LAMA4: variants seen among roughly 807,000 people sequenced by gnomAD.
The protein encoded by LAMA4 is laminin subunit alpha-4.
In LAMA4, 127 loss-of-function variants were observed where a neutral mutation model predicts 207.1. The observed-to-expected ratio is 0.61, with a 90% CI of 0.53 to 0.71. The LOEUF (loss-of-function observed/expected upper bound fraction) is 0.71, where lower values mean the gene tolerates loss of function less well. LAMA4 is among the 30% of genes least tolerant of loss of function. LAMA4 has a pLI of 0.00. For synonymous variants in LAMA4, 761 were observed against 816.0 expected (o/e 0.93, Z 1.15); for missense variants, 2,093 against 2,246.5 (o/e 0.93, Z 1.38).
At chr6:112,192,128 C>T (rs1451303277) in intron 5 of LAMA4, among the ~76,000 whole-genome samples, 1 of 152,194 alleles carries the variant, frequency 6.6e-6, no homozygotes, top group Non-Finnish European at 1.5e-5. Context: ...AGCCAGGGAA[C>T]TGGTGTACAC....
chr6:112,191,731 T>C lies in LAMA4; in HGVS notation c.623A>G (p.Gln208Arg), dbSNP rs782171302. The C allele has an allele frequency of 6.2e-7, 1 of 1,614,150 alleles. No homozygotes were observed. The highest frequency in any genetic ancestry group is 8.5e-7 in the Non-Finnish European group (1 of 1,179,980). The change falls in exon 6 of 39, where the codon CAG becomes CGG. Residue 208 changes from glutamine (Q) to arginine (R), a missense_variant. By Grantham distance (43) the Gln-to-Arg change is conservative. Coordinates refer to ENST00000230538, the MANE Select transcript of LAMA4 (RefSeq NM_001105206.3). ...IFEDCDEVTGQCRNCLRNTTG... is the reference protein window; with the variant it reads ...IFEDCDEVTGRCRNCLRNTTG... ...GGTGTTGCGTAAGCAATTCCTACAC[T>C]GGCCAGTGACTTCATCACAATCTTC...
chr6:112,241,152 T>TATATATGAAG (rs782682915), intron 2 of LAMA4, among the ~76,000 whole-genome samples: 1 of 98,486 alleles, frequency 1.0e-5, no homozygotes, highest in African/African-American at 4.8e-5. Context: ...TATATATGAA[T>TATATATGAAG]ATATATATGA....
At chr6:112,195,305 A>C (rs1783349480) in intron 5 of LAMA4, among the ~76,000 whole-genome samples, 1 of 152,200 alleles carries the variant, frequency 6.6e-6, no homozygotes, top group Admixed American at 6.5e-5. Context: ...AAAGACTGAG[A>C]AATAAGGCTA....
In LAMA4 at chr6:112,146,410, C is replaced by T. The variant is rs180834148; in HGVS notation, c.2354-1477G>A. Among the ~76,000 whole-genome samples the T allele has an allele frequency of 1.1e-3, 174 of 152,162 alleles. 1 individual carries two copies. Among genetic ancestry groups the T allele is most frequent in the African/African-American group, 4.0e-3 (168 of 41,488 alleles). ...AACAGTGGTTCTTAAAGTGTGGTTC[C>T]CAGACAAGCAGCAGCAGCATCACCA... On this transcript the variant is annotated intron_variant, in intron 18 of 38. Transcript: ENST00000230538.
chr6:112,121,828 A>T (rs1220065040), intron 32 of LAMA4, 186 bp downstream of exon 32: 20 of 582,920 alleles, frequency 3.4e-5, no homozygotes, highest in Non-Finnish European at 5.3e-5. Context: ...ACAATTGGAA[A>T]GTCACAGAGA....
chr6:112,177,070 G>A (rs1270654223), intron 10 of LAMA4, among the ~76,000 whole-genome samples: 2 of 152,112 alleles, frequency 1.3e-5, no homozygotes, highest in Non-Finnish European at 2.9e-5. Context: ...TATCTTCTAG[G>A]TTCAATCTCA....
At chr6:112,210,847 A>G (rs1438206038) in intron 3 of LAMA4, among the ~76,000 whole-genome samples, 2 of 152,192 alleles carry the variant, frequency 1.3e-5, no homozygotes, top group East Asian at 1.9e-4. Context: ...TGATAAAAAC[A>G]TATTGTCTTA....
rs903407803 is a variant in LAMA4 at position 112,159,021 on chromosome 6, T to C, written c.1669-141A>G. 3 of 652,668 alleles carry C rather than the reference T, an allele frequency of 4.6e-6. No homozygotes were observed. In the East Asian group the frequency reaches 8.2e-5, roughly 18 times the overall value. 40.4% of individuals were successfully genotyped at this position (652,668 alleles called of 1,614,324 possible). On this transcript the variant is annotated intron_variant, in intron 13 of 38. Coordinates refer to ENST00000230538, the MANE Select transcript of LAMA4 (RefSeq NM_001105206.3). ...GCAGGACCACATAAGTCTAAAATACTGTAAGTATATGTCTATTTATCCCGC... is the reference window on the plus strand; with the variant it reads ...GCAGGACCACATAAGTCTAAAATACCGTAAGTATATGTCTATTTATCCCGC...
At chr6:112,246,211 T>C (rs559627453) in intron 2 of LAMA4, among the ~76,000 whole-genome samples, 11 of 152,338 alleles carry the variant, frequency 7.2e-5, no homozygotes, top group African/African-American at 2.6e-4. Context: ...GGTATTTAAA[T>C]ATTCTTCTGT....
chr6:112,122,177 A>C lies in LAMA4; in HGVS notation c.4312T>G (p.Ser1438Ala), dbSNP rs1554326353. The change falls in exon 32 of 39, where the codon TCA becomes GCA. Residue 1438 changes from serine to alanine, a missense_variant. By Grantham distance (99) the Ser-to-Ala change is moderately conservative. Transcript: ENST00000230538. ...KKGGKSKDAP[S>A]WDPVALKLPE... ...AGTTTCAGAGCAACAGGATCCCATGAAGGTGCATCTTTACTTTTCCCTCCC... is the reference window on the plus strand; with the variant it reads ...AGTTTCAGAGCAACAGGATCCCATGCAGGTGCATCTTTACTTTTCCCTCCC... The C allele has an allele frequency of 6.2e-7, 1 of 1,613,706 alleles. No individual in the cohort carries two copies. The highest frequency in any genetic ancestry group is 1.3e-5 in the African/African-American group (1 of 74,890).
intron 5 of LAMA4, chr6:112,200,171 A>C (rs781790836): frequency 1.9e-6 from 1 of 533,178 alleles, no homozygotes; most frequent in Non-Finnish European, 3.8e-6. Context: ...CTCTGTGGAG[A>C]AGGCCTTTCT....
intron 2 of LAMA4, among the ~76,000 whole-genome samples, chr6:112,241,426 G>A (rs782521305): frequency 6.6e-6 from 1 of 151,710 alleles, no homozygotes; most frequent in Admixed American, 6.6e-5. Flanking sequence ...GCAGTAGTAC[G>A]GGAAACCTTT....
At chr6:112,222,852 C>A (rs541368631) in intron 2 of LAMA4, among the ~76,000 whole-genome samples, 1 of 152,236 alleles carries the variant, frequency 6.6e-6, no homozygotes, top group East Asian at 1.9e-4. Context: ...ATCCACAGCC[C>A]CTACAGCCGT....
At chr6:112,232,950 A>C (rs1308852713) in intron 2 of LAMA4, among the ~76,000 whole-genome samples, 1 of 152,226 alleles carries the variant, frequency 6.6e-6, no homozygotes, top group Non-Finnish European at 1.5e-5. Context: ...AAGGAAACAA[A>C]ATACCATTCA....
At chr6:112,174,050 A>C (rs1554342819) in intron 11 of LAMA4, among the ~76,000 whole-genome samples, 2 of 152,240 alleles carry the variant, frequency 1.3e-5, no homozygotes, top group Admixed American at 1.3e-4. Context: ...GTGTCATGAG[A>C]TATCAGCAGC....
chr6:112,128,846 C>G, intron 31 of LAMA4, 76 bp downstream of exon 31: 1 of 1,308,846 alleles, frequency 7.6e-7, no homozygotes, highest in South Asian at 1.2e-5. Flanking sequence ...AGTCAATTCT[C>G]TAAAACAGCA....
intron 5 of LAMA4, among the ~76,000 whole-genome samples, chr6:112,195,695 T>G (rs1311363598): frequency 6.6e-6 from 1 of 152,200 alleles, no homozygotes; most frequent in African/African-American, 2.4e-5. Context: ...TCAATCATCA[T>G]GTAGTCTTAG....
intron 22 of LAMA4, 45 bp downstream of exon 22, chr6:112,140,714 AT>A (rs2114699677): frequency 6.3e-7 from 1 of 1,575,982 alleles, no homozygotes; most frequent in East Asian, 2.3e-5. Flanking sequence ...TATAAAAACA[AT>A]TACTGTAGAT....
chr6:112,244,513 C>A (rs1281292208), intron 2 of LAMA4, among the ~76,000 whole-genome samples: 2 of 152,124 alleles, frequency 1.3e-5, no homozygotes, highest in Non-Finnish European at 1.5e-5. Context: ...GAGTACGCAC[C>A]CTTTTATTCC....
Sources: allele counts gnomAD v4.1 joint callset (sites outside exome capture counted in the v4.1 genomes callset), GRCh38; gene constraint gnomAD v4.1.1; transcripts MANE v1.5; gene names NCBI Gene and HGNC (gene_info 2026-07-23, HGNC 2026-07-21).